Variants in RIC1 observed in about 807,000 individuals in gnomAD.
RIC1 encodes RIC1 partner of RAB6A GEF complex.
RIC1 carries 88 observed loss-of-function variants against 169.0 expected under a neutral mutation model. The ratio of observed to expected loss-of-function variants is 0.52; its 90% CI spans 0.44 to 0.62. The LOEUF is 0.62. Ranked by LOEUF, RIC1 falls within the 20% of genes least tolerant of loss-of-function variation. The pLI is 0.00. For missense variants in RIC1, 1,877 were observed against 1,725.5 expected, an observed-to-expected ratio of 1.09 and a Z score of -1.56; for synonymous variants, 790 against 601.5, an observed-to-expected ratio of 1.31 and a Z score of -4.59.
intron 2 of RIC1, among the ~76,000 whole-genome samples, chr9:5,663,378 CTG>C (rs1485187969): frequency 1.3e-5 from 2 of 151,904 alleles, no homozygotes; most frequent in Non-Finnish European, 2.9e-5. Context: ...TCATGAATAT[CTG>C]TTAATTTTCT....
At chr9:5,725,475 T>C (rs1375632591) in intron 6 of RIC1, among the ~76,000 whole-genome samples, 2 of 152,208 alleles carry the variant, frequency 1.3e-5, no homozygotes, top group African/African-American at 4.8e-5. Context: ...TTGCTAGTGG[T>C]CTATCAATTT....
At position 5,755,162 on chromosome 9, in the gene RIC1, G is replaced by A. The variant is rs191967666; in HGVS notation, c.1692+232G>A. ...ACCTTTTCTAAGGATTTTAGCTGTCGGACATTCCCTATGGAGTTTGAAAAT... is the reference window on the plus strand; with the variant it reads ...ACCTTTTCTAAGGATTTTAGCTGTCAGACATTCCCTATGGAGTTTGAAAAT... On this transcript the variant is annotated intron_variant, in intron 15 of 25. Coordinates refer to ENST00000414202, the MANE Select transcript of RIC1 (RefSeq NM_020829.4). Among the ~76,000 whole-genome samples the A allele has an allele frequency of 2.9e-3, 434 of 152,094 alleles. 2 individuals are homozygous for A. Among genetic ancestry groups the A allele is most frequent in the African/African-American group, 0.01 (416 of 41,510 alleles).
chr9:5,734,943 A>T (rs942135522), intron 7 of RIC1, among the ~76,000 whole-genome samples: 1 of 152,236 alleles, frequency 6.6e-6, no homozygotes, highest in African/African-American at 2.4e-5. Context: ...TGAGATAATT[A>T]ATGATAAATC....
At chr9:5,642,884 A>G (rs1479417737) in intron 1 of RIC1, among the ~76,000 whole-genome samples, 2 of 152,188 alleles carry the variant, frequency 1.3e-5, no homozygotes, top group East Asian at 1.9e-4. Flanking sequence ...CATACTACCT[A>G]TTCATTGTAA....
chr9:5,711,366 C>A (rs908399052), intron 3 of RIC1, among the ~76,000 whole-genome samples: 1 of 152,074 alleles, frequency 6.6e-6, no homozygotes, highest in Admixed American at 6.6e-5. Context: ...CTAAATGCTT[C>A]TGTTTTGTCT....
intron 17 of RIC1, among the ~76,000 whole-genome samples, chr9:5,758,009 G>A (rs187603656): frequency 6.6e-6 from 1 of 152,238 alleles, no homozygotes; most frequent in African/African-American, 2.4e-5. Context: ...AATGTTTACT[G>A]TAAGGAGGAA....
intron 1 of RIC1, among the ~76,000 whole-genome samples, chr9:5,655,578 G>C (rs1161622693): frequency 1.3e-5 from 2 of 152,220 alleles, no homozygotes; most frequent in South Asian, 2.1e-4. Flanking sequence ...TGGGATTACA[G>C]GCATGAGCCG....
intron 1 of RIC1, among the ~76,000 whole-genome samples, chr9:5,653,215 G>A (rs1342000969): frequency 6.6e-6 from 1 of 152,000 alleles, no homozygotes; most frequent in Admixed American, 6.6e-5. Flanking sequence ...TCCTTTCCTT[G>A]TTTGTTAAAG....
intron 3 of RIC1, among the ~76,000 whole-genome samples, chr9:5,690,851 T>TA (rs1317601232): frequency 6.6e-6 from 1 of 151,814 alleles, no homozygotes; most frequent in East Asian, 1.9e-4. Context: ...TTCCAGTAGA[T>TA]AAATAGGGAA....
At chr9:5,679,206 C>G (rs568893011) in intron 2 of RIC1, among the ~76,000 whole-genome samples, 15 of 152,200 alleles carry the variant, frequency 9.9e-5, no homozygotes, top group Admixed American at 3.3e-4. Flanking sequence ...TGGTCTATAT[C>G]TCTGTTTTGG....
Position 5,656,691 on chromosome 9 carries a change from G to A in RIC1, c.252+1G>A. On this transcript the variant is annotated splice_donor_variant, in intron 2 of 25. Transcript: ENST00000414202. LOFTEE classifies it high-confidence loss of function. ...AGATAGTACCATGATAGCTGTATCA[G>A]TAAGTAGATTTTACCGCTAAATAGT... is the stretch of plus-strand genomic sequence containing the variant. 6.5e-7 allele frequency: 1 copy of A among 1,546,780 alleles called. No individual in the cohort carries two copies. The highest frequency in any genetic ancestry group is 8.9e-7 in the Non-Finnish European group (1 of 1,127,068).
chr9:5,657,656 A>G (rs775578801), intron 2 of RIC1, among the ~76,000 whole-genome samples: 2 of 152,078 alleles, frequency 1.3e-5, no homozygotes, highest in South Asian at 4.1e-4. Context: ...TTTCTAGTCC[A>G]TACTGTATAT....
intron 2 of RIC1, among the ~76,000 whole-genome samples, chr9:5,677,867 T>C (rs1241267384): frequency 2.6e-5 from 4 of 152,190 alleles, no homozygotes; most frequent in African/African-American, 9.6e-5. Context: ...ATTATTATTA[T>C]ACTTTAAGTT....
intron 3 of RIC1, among the ~76,000 whole-genome samples, chr9:5,698,032 A>G (rs940424156): frequency 7.9e-5 from 12 of 152,216 alleles, no homozygotes; most frequent in Non-Finnish European, 1.5e-5. Context: ...GTTGCAAGGA[A>G]AAACACTATA....
chr9:5,639,530 C>T (rs34030719), intron 1 of RIC1, among the ~76,000 whole-genome samples: 45,140 of 152,044 alleles, frequency 0.3, 7,920 homozygotes, highest in East Asian at 0.63. Context: ...TTAAGTGATC[C>T]ATGTACTGAG....
Position 5,710,295 on chromosome 9 carries a change from A to G in RIC1, c.333-3601A>G, listed in dbSNP as rs116844824. On this transcript the variant is annotated intron_variant, in intron 3 of 25. Transcript: ENST00000414202. ...CCTATGTTCCCACCTCACAGGAAAT[A>G]TACTGTCTGGTTTAACAATATGTAT... Among the ~76,000 whole-genome samples the G allele has an allele frequency of 4.4e-3, 676 of 152,330 alleles. 2 individuals are homozygous for G. The highest frequency in any genetic ancestry group is 7.0e-3 in the Non-Finnish European group (473 of 68,028).
At chr9:5,714,133 T>G (rs1217648942) in intron 4 of RIC1, 130 bp downstream of exon 4, 5 of 540,650 alleles carry the variant, frequency 9.2e-6, no homozygotes, top group Non-Finnish European at 1.6e-5. Flanking sequence ...CTGGAAATGC[T>G]TGATTAACCC....
chr9:5,701,166 G>C (rs1252943784), intron 3 of RIC1, among the ~76,000 whole-genome samples: 12 of 152,174 alleles, frequency 7.9e-5, no homozygotes, highest in Non-Finnish European at 1.6e-4. Context: ...TGGCTCTTCT[G>C]TTTGAGACCT....
Position 5,770,191 on chromosome 9 carries a change from A to T in RIC1, c.3529A>T (p.Ile1177Phe). 6.2e-7 allele frequency: 1 copy of T among 1,614,014 alleles called. No individual in the cohort carries two copies. Among genetic ancestry groups the T allele is most frequent in the South Asian group, 1.1e-5 (1 of 91,068 alleles). ...GCGAAGTCAGAGCTGGCTCAGCAAC[A>T]TTGGCCCCACCCATCATGAGATAGA... Reference protein sequence around the residue: ...IQRSQSWLSNIGPTHHEIDTA... With the variant: ...IQRSQSWLSNFGPTHHEIDTA... The change falls in exon 23 of 26, where the codon ATT becomes TTT. Residue 1177 changes from isoleucine to phenylalanine, a missense_variant. Ile to Phe is a conservative substitution (Grantham distance 21, BLOSUM62 0). Coordinates refer to ENST00000414202, the MANE Select transcript of RIC1 (RefSeq NM_020829.4).
Sources: allele counts gnomAD v4.1 joint callset (sites outside exome capture counted in the v4.1 genomes callset), GRCh38; gene constraint gnomAD v4.1.1; transcripts MANE v1.5; gene names NCBI Gene and HGNC (gene_info 2026-07-23, HGNC 2026-07-21).